SIAH2: variants seen among roughly 807,000 people sequenced by gnomAD.
The protein encoded by SIAH2 is siah E3 ubiquitin protein ligase 2.
In SIAH2, 4 loss-of-function variants were observed where a neutral mutation model predicts 20.4. That is an observed-to-expected ratio of 0.20 (90% CI 0.10 to 0.45). SIAH2 has a LOEUF of 0.45. Ranked by LOEUF, SIAH2 falls within the 20% of genes least tolerant of loss-of-function variation. The pLI, the probability that SIAH2 is intolerant of heterozygous loss-of-function variation, is 0.99. For missense variants in SIAH2, 259 were observed against 440.3 expected (o/e 0.59, Z 3.69); for synonymous variants, 171 against 192.5 (o/e 0.89, Z 0.93).
At chr3:150,761,195 G>A (rs1318942677) in intron 1 of SIAH2, among the ~76,000 whole-genome samples, 2 of 152,140 alleles carry the variant, frequency 1.3e-5, no homozygotes, top group South Asian at 2.1e-4. Context: ...TGGCCCAAGA[G>A]GCAGCGCAAG....
At chr3:150,746,204 G>A (rs941241217) in intron 1 of SIAH2, among the ~76,000 whole-genome samples, 2 of 152,082 alleles carry the variant, frequency 1.3e-5, no homozygotes, top group African/African-American at 2.4e-5. Context: ...GACCAGCCTG[G>A]CCAATATGGT....
intron 1 of SIAH2, among the ~76,000 whole-genome samples, chr3:150,748,051 C>T (rs1714266230): frequency 6.6e-6 from 1 of 151,040 alleles, no homozygotes; most frequent in Non-Finnish European, 1.5e-5. Context: ...CCATTTCTAA[C>T]TTCTCTTTAC....
chr3:150,755,666 C>T lies in SIAH2; in HGVS notation c.417+6767G>A, dbSNP rs973233863. 2.5e-4 allele frequency among the ~76,000 whole-genome samples: 38 copies of T among 151,652 alleles called. 1 individual carries two copies. Among genetic ancestry groups the T allele is most frequent in the Non-Finnish European group, 5.3e-4 (36 of 67,900 alleles). On this transcript the variant is annotated intron_variant, in intron 1 of 1. Transcript: ENST00000312960. ...CCAAGTAGCTGGGATTACAGGCATG[C>T]GCCACCACGCCTGGCTAATTTTTTA...
Position 150,743,190 on chromosome 3 carries a change from C to T in SIAH2, c.418-492G>A, listed in dbSNP as rs77862816. 2.3e-3 allele frequency among the ~76,000 whole-genome samples: 354 copies of T among 152,390 alleles called. 7 individuals carry two copies. The East Asian group carries it at 0.055, about 24-fold the overall frequency. ...CCCCTCCACTGCTTTCTGGCTCAAA[C>T]TGGTGACTGGCAGGCAGGCCGTGGG... On this transcript the variant is annotated intron_variant, in intron 1 of 1. Transcript: ENST00000312960.
intron 1 of SIAH2, among the ~76,000 whole-genome samples, chr3:150,747,234 C>G (rs1453892875): frequency 6.6e-6 from 1 of 152,194 alleles, no homozygotes; most frequent in African/African-American, 2.4e-5. Flanking sequence ...GAGAGAAAAA[C>G]AGCCCTGAAA....
At chr3:150,759,343 C>G (rs1714554053) in intron 1 of SIAH2, among the ~76,000 whole-genome samples, 1 of 152,170 alleles carries the variant, frequency 6.6e-6, no homozygotes, top group South Asian at 2.1e-4. Context: ...CCACAAAATA[C>G]TAGGTTTGTA....
rs1714659705 is a variant in SIAH2, at chr3:150,762,915, G to A, written c.-66C>T. On this transcript the variant is annotated 5_prime_UTR_variant, in exon 1 of 2. Transcript: ENST00000312960. The surrounding 1 kb of genome is among the most constrained non-coding windows in gnomAD (Gnocchi z 6.6). ...CCGCGGGGCCGCCCGGGTCAAGGCG[G>A]TGCGCGCCCCGCGGGCAGCGAGCTC... 6.2e-6 allele frequency: 7 copies of A among 1,127,254 alleles called. No individual in the cohort carries two copies. The South Asian group carries it at 1.7e-4, about 27-fold the overall frequency. The allele number at this position is 1,127,254 out of a possible 1,614,324, so 69.8% of individuals were successfully genotyped here.
intron 1 of SIAH2, among the ~76,000 whole-genome samples, chr3:150,743,441 G>T (rs1714143147): frequency 6.6e-6 from 1 of 152,188 alleles, no homozygotes; most frequent in African/African-American, 2.4e-5. Flanking sequence ...GCCAGTAGAG[G>T]TTAACATGAG....
At chr3:150,748,902 T>C (rs1173930346) in intron 1 of SIAH2, among the ~76,000 whole-genome samples, 1 of 152,220 alleles carries the variant, frequency 6.6e-6, no homozygotes, top group African/African-American at 2.4e-5. Flanking sequence ...AAGCTGTAAT[T>C]TGAATGTGCA....
At position 150,742,762 on chromosome 3, in the gene SIAH2, T is replaced by C. The variant is rs1714122632; in HGVS notation, c.418-64A>G. 10 of 1,354,452 alleles carry C rather than the reference T, an allele frequency of 7.4e-6. No homozygotes were observed. The highest frequency in any genetic ancestry group is 1.5e-5 in the African/African-American group (1 of 68,698). 83.9% of individuals were successfully genotyped at this position (1,354,452 alleles called of 1,614,324 possible). ...CAAAACTTCTATTGCTTCAACCCTC[T>C]ATGAGTACTTAACTACTCCATTTTC... On this transcript the variant is annotated intron_variant, in intron 1 of 1. Coordinates refer to ENST00000312960, the MANE Select transcript of SIAH2 (RefSeq NM_005067.7). This position sits in a 1 kb window ranked among gnomAD's most constrained non-coding sequence, Gnocchi z 4.8.
At chr3:150,760,387 TATAGA>T (rs1714579267) in intron 1 of SIAH2, among the ~76,000 whole-genome samples, 1 of 152,236 alleles carries the variant, frequency 6.6e-6, no homozygotes, top group Non-Finnish European at 1.5e-5. Flanking sequence ...ACTGCATTCT[TATAGA>T]ATAGAGACTC....
At position 150,742,000 on chromosome 3, in the gene SIAH2, A is replaced by C. The variant is rs1361512971; in HGVS notation, c.*141T>G. On this transcript the variant is annotated 3_prime_UTR_variant, in exon 2 of 2. Coordinates refer to ENST00000312960, the MANE Select transcript of SIAH2 (RefSeq NM_005067.7). ...ATGAACTTTGTTGGGTCGAAGCCAG[A>C]TGGGACACTGCTGTTCAAACAAAAC... 6 of 810,096 alleles carry C rather than the reference A, an allele frequency of 7.4e-6. No homozygotes were observed. The Admixed American group carries it at 1.5e-4, about 20-fold the overall frequency. The allele number at this position is 810,096 out of a possible 1,614,324, so 50.2% of individuals were successfully genotyped here.
chr3:150,743,377 C>A (rs1246402079), intron 1 of SIAH2, among the ~76,000 whole-genome samples: 9 of 152,242 alleles, frequency 5.9e-5, no homozygotes, highest in Admixed American at 5.9e-4. Context: ...GGAAGGAAAT[C>A]ACATCCAAGA....
intron 1 of SIAH2, among the ~76,000 whole-genome samples, chr3:150,743,428 C>T (rs1714142301): frequency 1.3e-5 from 2 of 152,238 alleles, no homozygotes; most frequent in Admixed American, 6.5e-5. Context: ...CAGTCTGGTT[C>T]TGGCCAGTAG....
intron 1 of SIAH2, among the ~76,000 whole-genome samples, chr3:150,758,569 ATTTT>A (rs574596010): frequency 7.7e-5 from 10 of 129,720 alleles, no homozygotes; most frequent in Admixed American, 7.8e-5. Context: ...TAGACATTCC[ATTTT>A]TTTTTTTTTT....
rs369360968 is a variant in SIAH2 at position 150,751,511 on chromosome 3, G to A, written c.418-8813C>T. On this transcript the variant is annotated intron_variant, in intron 1 of 1. Transcript: ENST00000312960. ...TGATAGGAGAAGACACTATTACTCA[G>A]CACTAGAACTGTCAAGTCAAACAGT... is the stretch of plus-strand genomic sequence containing the variant. 1.6e-4 allele frequency among the ~76,000 whole-genome samples: 25 copies of A among 152,242 alleles called. No homozygotes were observed. The East Asian group carries it at 4.4e-3, about 27-fold the overall frequency.
chr3:150,758,836 G>A (rs749996433), intron 1 of SIAH2, among the ~76,000 whole-genome samples: 6 of 151,116 alleles, frequency 4.0e-5, no homozygotes, highest in Non-Finnish European at 7.4e-5. Flanking sequence ...TCTGCCTCCC[G>A]GGTTCAAGCA....
In SIAH2 at chr3:150,741,766, A is replaced by G; in HGVS notation, c.*375T>C. 5.8e-6 allele frequency: 1 copy of G among 173,776 alleles called. No individual in the cohort carries two copies. Among genetic ancestry groups the G allele is most frequent in the South Asian group, 1.8e-4 (1 of 5,696 alleles). The allele number at this position is 173,776 out of a possible 1,614,324, so 10.8% of individuals were successfully genotyped here. ...AACAAAAGTAAAGGAATCTGCTGACAGTCACTGTGCTTTTGTCAATGTCAA... is the reference window on the plus strand; with the variant it reads ...AACAAAAGTAAAGGAATCTGCTGACGGTCACTGTGCTTTTGTCAATGTCAA... On this transcript the variant is annotated 3_prime_UTR_variant, in exon 2 of 2. Coordinates refer to ENST00000312960, the MANE Select transcript of SIAH2 (RefSeq NM_005067.7).
At chr3:150,753,971 T>C (rs146343117) in intron 1 of SIAH2, among the ~76,000 whole-genome samples, 8 of 152,182 alleles carry the variant, frequency 5.3e-5, no homozygotes, top group Non-Finnish European at 8.8e-5. Flanking sequence ...TGACCACAAA[T>C]AGGAGCCTGA....
Sources: gnomAD v4.1 joint callset for allele counts (sites outside exome capture counted in the v4.1 genomes callset) on GRCh38, gnomAD v4.1.1 for gene constraint, Gnocchi (gnomAD v3.1) non-coding constraint, MANE v1.5 for transcripts, NCBI Gene and HGNC (gene_info 2026-07-23, HGNC 2026-07-21) for gene names.